The following AVEN variants were observed in gnomAD, a reference collection of about 807,000 sequenced individuals.
AVEN encodes the protein apoptosis and caspase activation inhibitor.
Under a neutral mutation model 38.1 loss-of-function variants are expected in AVEN, and 41 were observed. The observed-to-expected ratio is 1.08, with a 90% confidence interval of 0.84 to 1.40. The LOEUF (loss-of-function observed/expected upper bound fraction) is 1.40. Ranked by LOEUF, AVEN falls within the 40% of genes most tolerant of loss-of-function variation. The pLI is 0.00. For synonymous variants in AVEN, 206 were observed against 171.8 expected, an observed-to-expected ratio of 1.20 and a Z score of -1.56; for missense variants, 605 against 438.8, an observed-to-expected ratio of 1.38 and a Z score of -3.38.
intron 1 of AVEN, among the ~76,000 whole-genome samples, chr15:34,008,975 C>CACAGAG (rs1165303065): frequency 6.7e-6 from 1 of 150,108 alleles, no homozygotes; most frequent in African/African-American, 2.4e-5. Context: ...CACACACACA[C>CACAGAG]AGACCATCGA....
At chr15:34,025,176 A>C (rs1898400593) in intron 1 of AVEN, among the ~76,000 whole-genome samples, 1 of 152,190 alleles carries the variant, frequency 6.6e-6, no homozygotes, top group African/African-American at 2.4e-5. Flanking sequence ...TCTCAAAAAA[A>C]AGGGTGGCAT....
chr15:33,983,118 T>C (rs1896226319), intron 2 of AVEN, among the ~76,000 whole-genome samples: 1 of 148,188 alleles, frequency 6.7e-6, no homozygotes, highest in African/African-American at 2.5e-5. Context: ...TATACATATA[T>C]GTCCATACTC....
intron 2 of AVEN, among the ~76,000 whole-genome samples, chr15:33,917,332 G>A (rs1893174499): frequency 6.8e-6 from 1 of 148,004 alleles, no homozygotes; most frequent in Non-Finnish European, 1.5e-5. Flanking sequence ...ATCAATTAAT[G>A]AATGGATAAA....
chr15:33,897,724 A>C (rs1567402775), intron 2 of AVEN, among the ~76,000 whole-genome samples: 1 of 152,178 alleles, frequency 6.6e-6, no homozygotes, highest in East Asian at 2.0e-4. Flanking sequence ...CTAAAAATCA[A>C]AAATATATGT....
downstream of AVEN, among the ~76,000 whole-genome samples, chr15:33,862,471 T>G (rs1243061190): frequency 6.6e-6 from 1 of 152,036 alleles, no homozygotes; most frequent in Non-Finnish European, 1.5e-5. Context: ...CCTCCCAGAG[T>G]GCTGGGATTA....
At chr15:33,973,736 C>T (rs900208679) in intron 2 of AVEN, among the ~76,000 whole-genome samples, 3 of 152,124 alleles carry the variant, frequency 2.0e-5, no homozygotes, top group East Asian at 1.9e-4. Flanking sequence ...GTCTGACATA[C>T]GAAATTGCAT....
chr15:33,945,130 T>C (rs542707662), intron 2 of AVEN, among the ~76,000 whole-genome samples: 1 of 152,342 alleles, frequency 6.6e-6, no homozygotes, highest in South Asian at 2.1e-4. Flanking sequence ...AGCTACTTTC[T>C]AGTGGGTCTC....
intron 2 of AVEN, chr15:34,066,848 T>G (rs1248716137): frequency 6.6e-6 from 1 of 151,780 alleles, no homozygotes; most frequent in Non-Finnish European, 1.5e-5. Flanking sequence ...GGTCAATGCT[T>G]CTTTTTTTAT....
At chr15:33,966,822 A>C (rs747650825) in intron 2 of AVEN, among the ~76,000 whole-genome samples, 78 of 152,310 alleles carry the variant, frequency 5.1e-4, no homozygotes, top group Non-Finnish European at 8.1e-4. Flanking sequence ...TAGGAGTTCA[A>C]ACTTCATAGA....
chr15:34,009,331 A>G (rs570620877), intron 1 of AVEN, among the ~76,000 whole-genome samples: 8 of 152,334 alleles, frequency 5.3e-5, no homozygotes. Context: ...ACAAATCCAC[A>G]TGAAAAAACC....
chr15:33,965,362 T>C (rs1895345794), intron 2 of AVEN, among the ~76,000 whole-genome samples: 1 of 152,120 alleles, frequency 6.6e-6, no homozygotes, highest in South Asian at 2.1e-4. Flanking sequence ...ATTATACATA[T>C]TGAAATGCCC....
chr15:34,064,160 T>C (rs754046409), intron 4 of AVEN: 1 of 1,614,232 alleles, frequency 6.2e-7, no homozygotes, highest in Non-Finnish European at 8.5e-7. Context: ...ACTTGGGCTA[T>C]TGGTTGTGCT....
chr15:33,954,068 T>C (rs1022197545), intron 2 of AVEN, among the ~76,000 whole-genome samples: 9 of 152,288 alleles, frequency 5.9e-5, no homozygotes, highest in African/African-American at 1.4e-4. Flanking sequence ...TCATCACTGG[T>C]CATCAGAGAA....
intron 4 of AVEN, among the ~76,000 whole-genome samples, chr15:33,870,128 C>A (rs1181092835): frequency 6.6e-6 from 1 of 152,024 alleles, no homozygotes; most frequent in African/African-American, 2.4e-5. Context: ...TCCAATATAC[C>A]GTCAAATCCT....
downstream of AVEN, among the ~76,000 whole-genome samples, chr15:33,857,546 C>T (rs1393528571): frequency 6.6e-6 from 1 of 152,068 alleles, no homozygotes; most frequent in East Asian, 1.9e-4. Context: ...ATTCAGCCCC[C>T]AACACCCCAT....
chr15:33,859,494 G>A (rs554055345), intron 11 of AVEN: 59 of 1,521,172 alleles, frequency 3.9e-5, no homozygotes, highest in East Asian at 3.4e-4. Flanking sequence ...CAATCTGACC[G>A]AATCATATGA....
intron 2 of AVEN, among the ~76,000 whole-genome samples, chr15:33,933,827 C>A (rs1230649084): frequency 2.6e-5 from 4 of 152,106 alleles, no homozygotes; most frequent in Admixed American, 2.6e-4. Flanking sequence ...GGAGTGGTGA[C>A]ACACACCTGT....
At chr15:33,997,643 T>C (rs1236257057) in intron 2 of AVEN, among the ~76,000 whole-genome samples, 1 of 152,088 alleles carries the variant, frequency 6.6e-6, no homozygotes, top group Non-Finnish European at 1.5e-5. Context: ...CCTGAAAAAA[T>C]CTGTAGTCCT....
At chr15:33,943,592 T>G (rs1894398896) in intron 2 of AVEN, among the ~76,000 whole-genome samples, 1 of 152,174 alleles carries the variant, frequency 6.6e-6, no homozygotes, top group Admixed American at 6.5e-5. Flanking sequence ...TCCCAACACT[T>G]TGGAAGGCCA....
Sources: allele counts gnomAD v4.1 joint callset (sites outside exome capture counted in the v4.1 genomes callset), GRCh38; gene constraint gnomAD v4.1.1; transcripts MANE v1.5; gene names NCBI Gene and HGNC (gene_info 2026-07-23, HGNC 2026-07-21).